MRC1: variants seen among roughly 807,000 people sequenced by gnomAD.
MRC1 encodes macrophage mannose receptor 1.
MRC1 carries 62 observed loss-of-function variants against 102.9 expected under a neutral mutation model. That is an observed-to-expected ratio of 0.60 (90% CI 0.49 to 0.74). The LOEUF (loss-of-function observed/expected upper bound fraction) is 0.74. MRC1 is among the 30% of genes least tolerant of loss of function. The pLI is 0.00. For synonymous variants in MRC1, 457 were observed against 298.4 expected, an observed-to-expected ratio of 1.53 and a Z score of -5.48; for missense variants, 1,237 against 862.8, an observed-to-expected ratio of 1.43 and a Z score of -5.43.
Position 17,910,508 on chromosome 10 carries a change from T to TA in MRC1, c.*45dup. Reference sequence around the variant, plus strand: ...GAGATATTTGAATTTCATAAAATTGTAACTGAAATTTAAAATTTTTAGTTC... The same window carrying TA: ...GAGATATTTGAATTTCATAAAATTGTAAACTGAAATTTAAAATTTTTAGTTC... On this transcript the variant is annotated 3_prime_UTR_variant, in exon 30 of 30. Transcript: ENST00000569591. 2 of 780,476 alleles carry TA rather than the reference T, an allele frequency of 2.6e-6. No individual in the cohort carries two copies. Among genetic ancestry groups the TA allele is most frequent in the Non-Finnish European group, 4.8e-6 (2 of 417,770 alleles). The allele number at this position is 780,476 out of a possible 1,614,324, so 48.3% of individuals were successfully genotyped here.
chr10:17,811,084 C>T (rs979194517), intron 1 of MRC1, among the ~76,000 whole-genome samples: 16 of 152,312 alleles, frequency 1.1e-4, no homozygotes, highest in Admixed American at 3.9e-4. Flanking sequence ...TGAGCCACAG[C>T]GCCCAGCCCT....
intron 6 of MRC1, among the ~76,000 whole-genome samples, chr10:17,848,070 A>C (rs1261935521): frequency 1.3e-5 from 2 of 152,188 alleles, no homozygotes; most frequent in African/African-American, 4.8e-5. Flanking sequence ...TGCAGGGCAC[A>C]AAATCCTGGG....
rs1256959214 is a variant in MRC1, at chr10:17,809,390, T to G, written c.-76T>G. The stretch of plus-strand genomic sequence containing the variant: ...GAACTTGGATTAGGTGGAGAGGCAG[T>G]TGGGGGGCCTCGTTGTTTTGCGTCT... On this transcript the variant is annotated 5_prime_UTR_variant, in exon 1 of 30. Transcript: ENST00000569591. 1.2e-6 allele frequency: 1 copy of G among 855,664 alleles called. No homozygotes were observed. The highest frequency in any genetic ancestry group is 2.1e-6 in the Non-Finnish European group (1 of 486,364). 53.0% of individuals were successfully genotyped at this position (855,664 alleles called of 1,614,324 possible).
At chr10:17,811,785 C>G (rs1222994831) in intron 1 of MRC1, among the ~76,000 whole-genome samples, 1 of 151,992 alleles carries the variant, frequency 6.6e-6, no homozygotes, top group East Asian at 1.9e-4. Context: ...TGGGGTCTCA[C>G]TATCTTGCTC....
chr10:17,811,445 C>A lies in MRC1; in HGVS notation c.61+1919C>A, dbSNP rs1013096294. On this transcript the variant is annotated intron_variant, in intron 1 of 29. Coordinates refer to ENST00000569591, the MANE Select transcript of MRC1 (RefSeq NM_002438.4). ...ACTAATGTCTTCCTCTTCATAGGCA[C>A]AAATATTGGGGAGAGAAGGGGGATG... is the stretch of plus-strand genomic sequence containing the variant. Among the ~76,000 whole-genome samples, 983 of 152,244 alleles carry A rather than the reference C, an allele frequency of 6.5e-3. 11 individuals are homozygous for A. Among genetic ancestry groups the A allele is most frequent in the African/African-American group, 0.022 (930 of 41,534 alleles).
intron 25 of MRC1, among the ~76,000 whole-genome samples, chr10:17,901,475 G>A (rs1243050282): frequency 2.6e-5 from 4 of 152,132 alleles, no homozygotes; most frequent in Admixed American, 2.6e-4. Context: ...GATCACCTGA[G>A]GTCAGGAGGT....
chr10:17,884,756 G>A (rs1833566845), intron 21 of MRC1, among the ~76,000 whole-genome samples: 1 of 152,170 alleles, frequency 6.6e-6, no homozygotes, highest in South Asian at 2.1e-4. Flanking sequence ...TACAATTCCA[G>A]GTGAGATTTG....
intron 1 of MRC1, among the ~76,000 whole-genome samples, chr10:17,814,916 T>A (rs1838287402): frequency 1.3e-5 from 2 of 151,952 alleles, no homozygotes; most frequent in Non-Finnish European, 2.9e-5. Context: ...CCCTCCTGCC[T>A]TGCCCTCCCA....
chr10:17,863,610 C>G lies in MRC1; in HGVS notation c.1711C>G (p.Gln571Glu). The G allele has an allele frequency of 1.3e-6, 1 of 780,818 alleles. No homozygotes were observed. The allele number at this position is 780,818 out of a possible 1,614,324, so 48.4% of individuals were successfully genotyped here. ...TTTCTGGACAGGACTTTCAGATATA[C>G]AAACCAAAGGGACTTTTCAGTGGAC... ...KYFWTGLSDI[Q>E]TKGTFQWTIE... Residue 571 changes from glutamine to glutamate, a missense_variant, in exon 11 of 30, where the codon CAA becomes GAA. Gln to Glu is a conservative substitution (Grantham distance 29). Coordinates refer to ENST00000569591, the MANE Select transcript of MRC1 (RefSeq NM_002438.4).
At chr10:17,822,631 C>T (rs1320502065) in intron 1 of MRC1, among the ~76,000 whole-genome samples, 1 of 152,186 alleles carries the variant, frequency 6.6e-6, no homozygotes, top group East Asian at 1.9e-4. Flanking sequence ...TTAAAAACAA[C>T]AAACAAACAC....
chr10:17,823,037 TTTC>T (rs1345295172), intron 1 of MRC1, 34 bp from the exon 2 acceptor site: 6 of 779,822 alleles, frequency 7.7e-6, no homozygotes, highest in South Asian at 1.3e-5. Context: ...CCATGCTTGC[TTTC>T]TTCTTCTTTT....
intron 17 of MRC1, among the ~76,000 whole-genome samples, chr10:17,877,096 A>C (rs1833447303): frequency 1.3e-5 from 2 of 149,544 alleles, no homozygotes; most frequent in South Asian, 2.1e-4. Flanking sequence ...TATATATGAA[A>C]ATCAAATATA....
chr10:17,846,143 G>A lies in MRC1; in HGVS notation c.1063+708G>A, dbSNP rs1838822083. Among the ~76,000 whole-genome samples the A allele has an allele frequency of 4.6e-5, 7 of 151,986 alleles. No individual in the cohort carries two copies. The South Asian group carries it at 1.5e-3, about 32-fold the overall frequency. The stretch of plus-strand genomic sequence containing the variant: ...GGCTTGTCTTGAACTCCTGACCTTG[G>A]GTGATCTACCCACCTCAGCCTCCCA... On this transcript the variant is annotated intron_variant, in intron 6 of 29. Transcript: ENST00000569591.
At chr10:17,831,227 A>T (rs1041482025) in intron 3 of MRC1, among the ~76,000 whole-genome samples, 7 of 151,118 alleles carry the variant, frequency 4.6e-5, no homozygotes, top group Non-Finnish European at 1.0e-4. Flanking sequence ...ACCTTCCTCC[A>T]GTTGTCTAAA....
intron 1 of MRC1, among the ~76,000 whole-genome samples, chr10:17,815,667 G>A (rs1210319276): frequency 6.6e-6 from 1 of 152,178 alleles, no homozygotes; most frequent in Non-Finnish European, 1.5e-5. Flanking sequence ...CTTGTGGTCA[G>A]ACCCATACTG....
Position 17,885,823 on chromosome 10 carries a change from CATCATGATCATGATCATG to C in MRC1, c.3147+408_3147+425del, listed in dbSNP as rs782722089. ...TTCTAAAGATCATATGATCATCATC[CATCATGATCATGATCATG>C]ATCATGATCATGATCATGAGCTAAT... On this transcript the variant is annotated intron_variant, in intron 22 of 29. Coordinates refer to ENST00000569591, the MANE Select transcript of MRC1 (RefSeq NM_002438.4). Among the ~76,000 whole-genome samples, 187 of 150,920 alleles carry C rather than the reference CATCATGATCATGATCATG, an allele frequency of 1.2e-3. 1 individual carries two copies. Among genetic ancestry groups the C allele is most frequent in the African/African-American group, 3.6e-3 (147 of 41,238 alleles).
chr10:17,815,902 C>T (rs1160104365), intron 1 of MRC1, among the ~76,000 whole-genome samples: 2 of 151,846 alleles, frequency 1.3e-5, no homozygotes, highest in Non-Finnish European at 2.9e-5. Context: ...TCTTGGCTCA[C>T]TGCAACCTCC....
intron 8 of MRC1, among the ~76,000 whole-genome samples, chr10:17,855,571 C>CAAAAAAAAAAAA: frequency 2.4e-5 from 1 of 42,096 alleles, no homozygotes; most frequent in Non-Finnish European, 4.3e-5. Context: ...GACTCCGTCT[C>CAAAAAAAAAAAA]AAAAAAAAAA....
At chr10:17,881,281 A>G in intron 21 of MRC1, 100 bp downstream of exon 21, 1 of 728,456 alleles carries the variant, frequency 1.4e-6, no homozygotes, top group Non-Finnish European at 2.5e-6. Flanking sequence ...TTGGTTTTCC[A>G]GTGTAAAAGC....
Sources: allele counts gnomAD v4.1 joint callset (sites outside exome capture counted in the v4.1 genomes callset), GRCh38; gene constraint gnomAD v4.1.1; transcripts MANE v1.5; gene names NCBI Gene and HGNC (gene_info 2026-07-23, HGNC 2026-07-21).